SLC9A3: variants seen among roughly 807,000 people sequenced by gnomAD.
The protein encoded by SLC9A3 is solute carrier family 9 member A3, also known as sodium/hydrogen exchanger 3.
In SLC9A3, 37 loss-of-function variants were observed where a neutral mutation model predicts 86.8. The ratio of observed to expected loss-of-function variants is 0.43; its 90% CI spans 0.33 to 0.56. The LOEUF (loss-of-function observed/expected upper bound fraction) is 0.56, where lower values mean the gene tolerates loss of function less well. Ranked by LOEUF, SLC9A3 falls within the 20% of genes least tolerant of loss-of-function variation. The pLI is 0.06. For synonymous variants in SLC9A3, 581 were observed against 528.3 expected, an observed-to-expected ratio of 1.10 and a Z score of -1.37; for missense variants, 1,011 against 1,171.9, an observed-to-expected ratio of 0.86 and a Z score of 2.00.
chr5:507,448 T>C (rs766322459), intron 1 of SLC9A3, among the ~76,000 whole-genome samples: 57 of 151,804 alleles, frequency 3.8e-4, no homozygotes, highest in Non-Finnish European at 6.5e-4. Flanking sequence ...CTATTTTTTG[T>C]AGAGATTTTT....
At chr5:523,821 G>T (rs1310125685) in intron 1 of SLC9A3, among the ~76,000 whole-genome samples, 5 of 152,188 alleles carry the variant, frequency 3.3e-5, no homozygotes, top group Admixed American at 3.3e-4. Flanking sequence ...TGCAGTCTGC[G>T]GGGCTCGGAG....
In SLC9A3 at chr5:496,208, C is replaced by T. The variant is rs1463439403; in HGVS notation, c.212-4137G>A. ...CCGGGGTTGGAAAGGGTGTTGGACA[C>T]GCCTTTCCCATGTGCGGTGGCGTCC... is the stretch of plus-strand genomic sequence containing the variant. On this transcript the variant is annotated intron_variant, in intron 1 of 16. Coordinates refer to ENST00000264938, the MANE Select transcript of SLC9A3 (RefSeq NM_004174.4). The surrounding 1 kb of genome is among the most constrained non-coding windows in gnomAD (Gnocchi z 4.7). Among the ~76,000 whole-genome samples the T allele has an allele frequency of 1.3e-5, 2 of 152,240 alleles. No homozygotes were observed. Among genetic ancestry groups the T allele is most frequent in the Non-Finnish European group, 2.9e-5 (2 of 68,042 alleles).
At position 524,298 on chromosome 5, in the gene SLC9A3, G is replaced by A; in HGVS notation, c.25C>T (p.Pro9Ser). ...AGCGCCAGCAGCAGCCCCCGGTCGG[G>A]GCCCCGGGCCCCGAGTCCCCACATT... is the stretch of plus-strand genomic sequence containing the variant. Reference protein sequence around the residue: MWGLGARGPDRGLLLALAL... With the variant: MWGLGARGSDRGLLLALAL... Residue 9 changes from proline (P) to serine (S), a missense_variant, in exon 1 of 17, where the codon CCC becomes TCC. Physicochemically the swap from Pro to Ser is moderately conservative, Grantham distance 74 (BLOSUM62 -1). Transcript: ENST00000264938. 7.8e-7 allele frequency: 1 copy of A among 1,287,318 alleles called. No homozygotes were observed. Among genetic ancestry groups the A allele is most frequent in the Non-Finnish European group, 9.9e-7 (1 of 1,014,496 alleles). The allele number at this position is 1,287,318 out of a possible 1,614,324, so 79.7% of individuals were successfully genotyped here.
chr5:504,484 C>T (rs913199568), intron 1 of SLC9A3, among the ~76,000 whole-genome samples: 1 of 152,228 alleles, frequency 6.6e-6, no homozygotes, highest in Admixed American at 6.5e-5. Flanking sequence ...CCACAGCCTC[C>T]TCCAGTGTGT....
At position 477,417 on chromosome 5, in the gene SLC9A3, T is replaced by C. The variant is rs767406705; in HGVS notation, c.1675A>G (p.Ile559Val). The C allele has an allele frequency of 1.1e-5, 17 of 1,612,698 alleles. No homozygotes were observed. The African/African-American group carries it at 1.2e-4, about 11-fold the overall frequency. The change falls in exon 11 of 17, where the codon ATC (isoleucine) becomes GTC (valine). Residue 559 changes from isoleucine (I) to valine (V), a missense_variant. By Grantham distance (29) the Ile-to-Val change is conservative. Transcript: ENST00000264938. ...ACGTTGTCGGTGCTGGGGGAGCGGA[T>C]GAAGGCCAGGGACCCGCGGCGCTCT... Reference protein sequence around the residue: ...EGERRGSLAFIRSPSTDNVVN... With the variant: ...EGERRGSLAFVRSPSTDNVVN...
chr5:484,723 C>A (rs541978394), intron 4 of SLC9A3, 26 bp from the exon 5 acceptor site: 2 of 1,608,702 alleles, frequency 1.2e-6, no homozygotes, highest in African/African-American at 2.7e-5. Flanking sequence ...CCTTTGTGGC[C>A]GTGCCGGCCT....
intron 2 of SLC9A3, among the ~76,000 whole-genome samples, chr5:490,082 T>C (rs538887531): frequency 1.3e-5 from 2 of 150,350 alleles, no homozygotes; most frequent in East Asian, 1.9e-4. Flanking sequence ...AGTTGCAGCC[T>C]CCCAGCTCTC....
chr5:509,453 A>AGGAAGGAGGGAGGGAG (rs1026846276), intron 1 of SLC9A3, among the ~76,000 whole-genome samples: 32 of 129,044 alleles, frequency 2.5e-4, no homozygotes, highest in African/African-American at 8.3e-4. Flanking sequence ...GATGGAAGGA[A>AGGAAGGAGGGAGGGAG]GGAAGGAGGG....
rs1421949051 is a variant in SLC9A3 at position 473,387 on chromosome 5, G to A, written c.2502-5C>T. ...GCGTGTCGGAGCCGGTGTCACCTGC[G>A]GGAGAGGAAGGCGTGAGCGGCGCGC... On this transcript the variant is annotated splice_polypyrimidine_tract_variant and splice_region_variant and intron_variant, in intron 16 of 16. Coordinates refer to ENST00000264938, the MANE Select transcript of SLC9A3 (RefSeq NM_004174.4). 1.4e-6 allele frequency: 2 copies of A among 1,410,106 alleles called. No individual in the cohort carries two copies. Among genetic ancestry groups the A allele is most frequent in the South Asian group, 1.5e-5 (1 of 67,876 alleles). 87.3% of individuals were successfully genotyped at this position (1,410,106 alleles called of 1,614,324 possible). A position where few individuals can be genotyped will look rare whatever the true frequency, so the allele number is the denominator to read the frequency against.
At chr5:505,051 T>G (rs1449940954) in intron 1 of SLC9A3, among the ~76,000 whole-genome samples, 2 of 151,566 alleles carry the variant, frequency 1.3e-5, no homozygotes, top group Non-Finnish European at 2.9e-5. Context: ...CAGAACAGCG[T>G]GGACGCAGTG....
intron 8 of SLC9A3, 51 bp from the exon 9 acceptor site, chr5:481,686 A>T: frequency 6.8e-7 from 1 of 1,461,316 alleles, no homozygotes; most frequent in Non-Finnish European, 9.6e-7. Context: ...ACCGGGGAAC[A>T]TGAGGTGCCC....
rs1461230048 is a variant in SLC9A3 at position 483,487 on chromosome 5, A to AG, written c.933-6dup. ...CAGATGCCACAGAAGGTGATGCTGC[A>AG]GGGACAGACGCGCCTCAGGACACGG... On this transcript the variant is annotated splice_region_variant and splice_polypyrimidine_tract_variant and intron_variant, in intron 5 of 16. Coordinates refer to ENST00000264938, the MANE Select transcript of SLC9A3 (RefSeq NM_004174.4). 1.3e-6 allele frequency: 2 copies of AG among 1,563,184 alleles called. No homozygotes were observed. Among genetic ancestry groups the AG allele is most frequent in the East Asian group, 2.4e-5 (1 of 42,092 alleles).
chr5:498,073 CT>C (rs1740109063), intron 1 of SLC9A3, among the ~76,000 whole-genome samples: 1 of 152,178 alleles, frequency 6.6e-6, no homozygotes, highest in Non-Finnish European at 1.5e-5. Flanking sequence ...TCTATCTTAT[CT>C]TTTTTCTCCG....
chr5:476,419 C>T (rs560989504), intron 12 of SLC9A3, 41 bp from the exon 13 acceptor site: 124 of 1,609,570 alleles, frequency 7.7e-5, no homozygotes, highest in Admixed American at 4.8e-4. Flanking sequence ...TGCCCACCGC[C>T]GGACATTCTC....
intron 1 of SLC9A3, among the ~76,000 whole-genome samples, chr5:504,844 T>G (rs1740473551): frequency 6.6e-6 from 1 of 151,990 alleles, no homozygotes; most frequent in African/African-American, 2.4e-5. Context: ...GTGCGGCTGG[T>G]TGAGTGGCAT....
intron 1 of SLC9A3, among the ~76,000 whole-genome samples, chr5:519,058 G>A (rs1157323650): frequency 6.6e-6 from 1 of 152,188 alleles, no homozygotes; most frequent in African/African-American, 2.4e-5. Flanking sequence ...GATTCTCCGT[G>A]GGCAGCTCCT....
chr5:481,531 G>A (rs1739164282), intron 9 of SLC9A3, 34 bp downstream of exon 9: 2 of 1,560,732 alleles, frequency 1.3e-6, no homozygotes, highest in African/African-American at 1.4e-5. Context: ...AAGCCGGGCT[G>A]TGCGACACCG....
At chr5:502,374 A>G (rs1320824685) in intron 1 of SLC9A3, among the ~76,000 whole-genome samples, 4 of 152,166 alleles carry the variant, frequency 2.6e-5, no homozygotes, top group Non-Finnish European at 2.9e-5. Flanking sequence ...CAGAGGAAAG[A>G]CCTGGATGCA....
chr5:478,613 T>G (rs1479170566), intron 10 of SLC9A3: 1 of 154,432 alleles, frequency 6.5e-6, no homozygotes. Context: ...GTTGTGGTCG[T>G]GGGTCGTGGG....
Sources: allele counts gnomAD v4.1 joint callset (sites outside exome capture counted in the v4.1 genomes callset), GRCh38; gene constraint gnomAD v4.1.1; non-coding constraint Gnocchi (gnomAD v3.1); transcripts MANE v1.5; gene names NCBI Gene and HGNC (gene_info 2026-07-23, HGNC 2026-07-21).